The following NUDC variants were observed in gnomAD, a reference collection of about 807,000 sequenced individuals.
NUDC encodes the protein nuclear distribution C, dynein complex regulator, also known as nuclear migration protein nudC.
NUDC carries 14 observed loss-of-function variants against 45.0 expected under a neutral mutation model. The observed-to-expected ratio is 0.31, with a 90% CI of 0.21 to 0.49. The LOEUF (loss-of-function observed/expected upper bound fraction) is 0.49. Ranked by LOEUF, NUDC falls within the 20% of genes least tolerant of loss-of-function variation. The pLI, the probability that NUDC is intolerant of heterozygous loss-of-function variation, is 0.99. For missense variants in NUDC, 323 were observed against 426.2 expected (o/e 0.76, Z 2.13); for synonymous variants, 153 against 156.7 (o/e 0.98, Z 0.17).
chr1:26,900,573 T>C (rs1463741809), intron 1 of NUDC: 2 of 732,580 alleles, frequency 2.7e-6, no homozygotes, highest in Non-Finnish European at 4.4e-6. Flanking sequence ...AACCTGGAGC[T>C]GGAAGATCCG....
At chr1:26,918,803 C>T (rs956806062), upstream of NUDC, among the ~76,000 whole-genome samples, 5 of 151,654 alleles carry the variant, frequency 3.3e-5, no homozygotes, top group African/African-American at 9.7e-5. Flanking sequence ...CTCGAACTCC[C>T]GACCTCAGGT....
At chr1:26,936,228 T>A (rs1215148130) in intron 2 of NUDC, among the ~76,000 whole-genome samples, 1 of 112,932 alleles carries the variant, frequency 8.9e-6, no homozygotes, top group African/African-American at 3.4e-5. Flanking sequence ...TTGCTGTTGT[T>A]GCCCAGGCTG....
chr1:26,917,973 TAC>T (rs113458577), upstream of NUDC, among the ~76,000 whole-genome samples: 13,162 of 146,970 alleles, frequency 0.09, 675 homozygotes, highest in African/African-American at 0.15. Flanking sequence ...AATGAATGTG[TAC>T]ACACACACAC....
chr1:26,907,567 A>AGGACAG (rs1377173246), intron 2 of NUDC, among the ~76,000 whole-genome samples: 3 of 151,052 alleles, frequency 2.0e-5, no homozygotes, highest in Non-Finnish European at 4.4e-5. Flanking sequence ...GAATGCCCCA[A>AGGACAG]GGACAGGGTG....
At chr1:26,919,485 T>A (rs989203404), upstream of NUDC, among the ~76,000 whole-genome samples, 2 of 152,208 alleles carry the variant, frequency 1.3e-5, no homozygotes, top group African/African-American at 4.8e-5. Context: ...GTTCCACACA[T>A]AAACTTGTTT....
At position 26,941,504 on chromosome 1, in the gene NUDC, C is replaced by G. The variant is rs1229897349; in HGVS notation, c.207C>G (p.Thr69=). Residue 69 remains threonine (T), a synonymous_variant, in exon 3 of 9, where the codon ACC becomes ACG. Coordinates refer to ENST00000321265, the MANE Select transcript of NUDC (RefSeq NM_006600.4). ...ACCACAATCAGCTGGCACAGAAGAC[C>G]CGGCGGGAGAAGAGAGCCCGGCAGG... ...FSHHNQLAQK[T]RREKRARQEA... 6.2e-7 allele frequency: 1 copy of G among 1,614,050 alleles called. No homozygotes were observed. Among genetic ancestry groups the G allele is most frequent in the Non-Finnish European group, 8.5e-7 (1 of 1,180,018 alleles).
At position 26,941,685 on chromosome 1, in the gene NUDC, A is replaced by C. The variant is rs781046941; in HGVS notation, c.363+25A>C. 1.1e-5 allele frequency: 18 copies of C among 1,612,918 alleles called. No individual in the cohort carries two copies. The Admixed American group carries it at 2.2e-4, about 19-fold the overall frequency. The stretch of plus-strand genomic sequence containing the variant: ...GGTGAAGGGTGGGCTTCCCTTCTCC[A>C]CCCCTCAGATCCCCCCTGGCACTGA... On this transcript the variant is annotated intron_variant, in intron 3 of 8. Coordinates refer to ENST00000321265, the MANE Select transcript of NUDC (RefSeq NM_006600.4).
intron 1 of NUDC, among the ~76,000 whole-genome samples, chr1:26,901,198 GCT>G (rs1233285621): frequency 6.6e-6 from 1 of 151,908 alleles, no homozygotes; most frequent in Non-Finnish European, 1.5e-5. Flanking sequence ...TTGGGGTCTC[GCT>G]CTGTCGCCCA....
At position 26,946,483 on chromosome 1, in the gene NUDC, GC is replaced by G; in HGVS notation, c.*305del. 1 of 446,710 alleles carries G rather than the reference GC, an allele frequency of 2.2e-6. No homozygotes were observed. Among genetic ancestry groups the G allele is most frequent in the Non-Finnish European group, 4.2e-6 (1 of 240,592 alleles). 27.7% of individuals were successfully genotyped at this position (446,710 alleles called of 1,614,324 possible). A position where few individuals can be genotyped will look rare whatever the true frequency, so the allele number is the denominator to read the frequency against. On this transcript the variant is annotated 3_prime_UTR_variant, in exon 9 of 9. Transcript: ENST00000321265. ...CTGGGAACTGGGAGTTTGGCTTCTA[GC>G]CCAGATTCTGCCATGTGACCTAGGG...
chr1:26,926,933 C>A (rs2082137321), intron 2 of NUDC, among the ~76,000 whole-genome samples: 1 of 152,106 alleles, frequency 6.6e-6, no homozygotes, highest in Non-Finnish European at 1.5e-5. Flanking sequence ...GAACACTTAA[C>A]ACTTTGGATT....
chr1:26,929,897 G>A (rs1459815092), intron 2 of NUDC, among the ~76,000 whole-genome samples: 29 of 151,864 alleles, frequency 1.9e-4, no homozygotes, highest in Admixed American at 6.6e-5. Context: ...GGTGGTAGGC[G>A]CCTGTAATCC....
At chr1:26,914,285 C>T (rs2082049144) in intron 3 of NUDC, among the ~76,000 whole-genome samples, 1 of 152,210 alleles carries the variant, frequency 6.6e-6, no homozygotes, top group Non-Finnish European at 1.5e-5. Context: ...CACCAAGGCC[C>T]CAGGTGCACA....
chr1:26,925,249 A>G (rs1290297568), intron 2 of NUDC, among the ~76,000 whole-genome samples: 1 of 151,546 alleles, frequency 6.6e-6, no homozygotes, highest in Non-Finnish European at 1.5e-5. Context: ...GCTTAGAAAT[A>G]AATTTAGAAG....
chr1:26,904,246 C>T (rs568259809), intron 2 of NUDC, among the ~76,000 whole-genome samples: 1 of 149,138 alleles, frequency 6.7e-6, no homozygotes, highest in South Asian at 2.1e-4. Flanking sequence ...TGGCTCACTG[C>T]AACCTCTGCC....
intron 3 of NUDC, among the ~76,000 whole-genome samples, chr1:26,912,385 C>T (rs2082033719): frequency 6.6e-6 from 1 of 152,118 alleles, no homozygotes; most frequent in Non-Finnish European, 1.5e-5. Context: ...CACTTAATCT[C>T]TGGGCTTCAG....
At chr1:26,923,290 G>T (rs2082105764) in intron 1 of NUDC, among the ~76,000 whole-genome samples, 4 of 152,166 alleles carry the variant, frequency 2.6e-5, no homozygotes, top group Admixed American at 1.3e-4. Context: ...CTAGAAATAG[G>T]TACTGCATCT....
At chr1:26,927,264 C>CGTGT (rs60238934) in intron 2 of NUDC, among the ~76,000 whole-genome samples, 4,424 of 91,728 alleles carry the variant, frequency 0.048, 356 homozygotes, top group Middle Eastern at 0.12. Flanking sequence ...AGAGATGAAC[C>CGTGT]GTGTGTGTGT....
At chr1:26,915,895 A>G (rs2082059488) in intron 3 of NUDC, among the ~76,000 whole-genome samples, 2 of 152,140 alleles carry the variant, frequency 1.3e-5, no homozygotes, top group South Asian at 4.1e-4. Flanking sequence ...GAATTCTCAC[A>G]GTGTCCCCTT....
intron 2 of NUDC, among the ~76,000 whole-genome samples, chr1:26,908,270 T>A (rs1401160067): frequency 6.6e-6 from 1 of 152,066 alleles, no homozygotes; most frequent in East Asian, 1.9e-4. Flanking sequence ...CTTCCCTCAC[T>A]GGCAATGAGA....
Sources: allele counts gnomAD v4.1 joint callset (sites outside exome capture counted in the v4.1 genomes callset), GRCh38; gene constraint gnomAD v4.1.1; transcripts MANE v1.5; gene names NCBI Gene and HGNC (gene_info 2026-07-23, HGNC 2026-07-21).